Variants in GPR157 observed in about 807,000 individuals in gnomAD.
GPR157 encodes G-protein coupled receptor 157.
A neutral mutation model predicts 23.5 loss-of-function variants in GPR157; 16 were observed. That is an observed-to-expected ratio of 0.68 (90% CI 0.46 to 1.04). The LOEUF is 1.04. Ranked by LOEUF, GPR157 falls within the 50% of genes least tolerant of loss-of-function variation. The pLI, the probability that GPR157 is intolerant of heterozygous loss-of-function variation, is 0.00. For missense variants in GPR157, 440 were observed against 460.7 expected (o/e 0.96, Z 0.41); for synonymous variants, 200 against 221.5 (o/e 0.90, Z 0.86).
Position 9,111,493 on chromosome 1 carries a change from A to C in GPR157, c.384-4T>G, listed in dbSNP as rs1436810136. The C allele has an allele frequency of 6.2e-7, 1 of 1,611,500 alleles. No homozygotes were observed. The highest frequency in any genetic ancestry group is 8.5e-7 in the Non-Finnish European group (1 of 1,177,938). On this transcript the variant is annotated splice_region_variant and splice_polypyrimidine_tract_variant and intron_variant, in intron 1 of 3. Coordinates refer to ENST00000377411, the MANE Select transcript of GPR157 (RefSeq NM_024980.5). ...GATGACCAACGGGACCCCCCAGCTG[A>C]GGAAGGAGGAGAGAAAGAGGCATCG... is the stretch of plus-strand genomic sequence containing the variant.
At chr1:9,119,480 G>T (rs1638755829) in intron 1 of GPR157, among the ~76,000 whole-genome samples, 1 of 152,198 alleles carries the variant, frequency 6.6e-6, no homozygotes, top group African/African-American at 2.4e-5. Flanking sequence ...AACCAGTCCT[G>T]CCCTCACCTG....
chr1:9,114,062 C>G (rs114402453), intron 1 of GPR157, among the ~76,000 whole-genome samples: 1 of 151,404 alleles, frequency 6.6e-6, no homozygotes, highest in African/African-American at 2.4e-5. Context: ...GGCTCACGCC[C>G]GAATCCCAGG....
At chr1:9,106,602 C>G (rs570402791) in intron 2 of GPR157, among the ~76,000 whole-genome samples, 1 of 152,376 alleles carries the variant, frequency 6.6e-6, no homozygotes, top group South Asian at 2.1e-4. Context: ...GTCCCCAGGG[C>G]TCCCCCCGGC....
In GPR157 at chr1:9,105,003, A is replaced by AT. The variant is rs1553174061; in HGVS notation, c.793-370_793-369insA. Among the ~76,000 whole-genome samples, 7 of 109,468 alleles carry AT rather than the reference A, an allele frequency of 6.4e-5. No individual in the cohort carries two copies. The highest frequency in any genetic ancestry group is 3.7e-5 in the Non-Finnish European group (2 of 53,688). The allele number at this position is 109,468 out of a possible 152,430, so 71.8% of individuals were successfully genotyped here. ...TGACAAAGCCAGACTCTGTCCCCGCACCCCCCCCCAAAAAAGAGAAATGGC... is the reference window on the plus strand; with the variant it reads ...TGACAAAGCCAGACTCTGTCCCCGCATCCCCCCCCCAAAAAAGAGAAATGGC... On this transcript the variant is annotated intron_variant, in intron 3 of 3. Transcript: ENST00000377411. The surrounding 1 kb of genome is among the most constrained non-coding windows in gnomAD (Gnocchi z 4.8).
chr1:9,126,118 C>T (rs1638958331), intron 1 of GPR157, among the ~76,000 whole-genome samples: 1 of 152,116 alleles, frequency 6.6e-6, no homozygotes, highest in African/African-American at 2.4e-5. Context: ...CCACCACACC[C>T]AGCTAATTTT....
chr1:9,113,997 A>C (rs1446573989), intron 1 of GPR157, among the ~76,000 whole-genome samples: 1 of 144,554 alleles, frequency 6.9e-6, no homozygotes, highest in African/African-American at 2.6e-5. Context: ...ACACACACAC[A>C]CACCACCCAT....
rs1638775274 is a variant in GPR157, at chr1:9,120,478, T to G, written c.383+8167A>C. 6.6e-6 allele frequency among the ~76,000 whole-genome samples: 1 copy of G among 152,182 alleles called. No individual in the cohort carries two copies. The highest frequency in any genetic ancestry group is 1.5e-5 in the Non-Finnish European group (1 of 68,018). On this transcript the variant is annotated intron_variant, in intron 1 of 3. Transcript: ENST00000377411. The surrounding 1 kb of genome is among the most constrained non-coding windows in gnomAD (Gnocchi z 4.1). ...TAAAAACCTCAGGACAGAGCAGGGC[T>G]GGGGGAAGCCCAGCTGTAGGGAGTG... is the stretch of plus-strand genomic sequence containing the variant.
In GPR157 at chr1:9,106,198, C is replaced by T. The variant is rs116746450; in HGVS notation, c.598-518G>A. ...TTACAGGCATGAGCTGCCACCGTGC[C>T]GACCTCTAACTTCAAAACAGATCCA... On this transcript the variant is annotated intron_variant, in intron 2 of 3. Coordinates refer to ENST00000377411, the MANE Select transcript of GPR157 (RefSeq NM_024980.5). 2.6e-3 allele frequency among the ~76,000 whole-genome samples: 397 copies of T among 152,224 alleles called. 1 individual carries two copies. Among genetic ancestry groups the T allele is most frequent in the African/African-American group, 9.3e-3 (386 of 41,532 alleles).
intron 1 of GPR157, 70 bp from the exon 2 acceptor site, chr1:9,111,559 A>G: frequency 7.7e-7 from 1 of 1,297,662 alleles, no homozygotes; most frequent in Non-Finnish European, 1.1e-6. Flanking sequence ...CCTTCGCAAA[A>G]ATGACGGAGG....
chr1:9,106,685 C>T (rs534645113), intron 2 of GPR157, among the ~76,000 whole-genome samples: 82 of 152,316 alleles, frequency 5.4e-4, no homozygotes, highest in African/African-American at 1.8e-3. Context: ...GCACAGAGGC[C>T]GGGTGCAAAG....
chr1:9,113,349 T>A (rs1476625734), intron 1 of GPR157, among the ~76,000 whole-genome samples: 1 of 152,168 alleles, frequency 6.6e-6, no homozygotes, highest in African/African-American at 2.4e-5. Flanking sequence ...GAGGCCAGAA[T>A]GAGGCCAGGA....
intron 1 of GPR157, among the ~76,000 whole-genome samples, chr1:9,123,168 A>AAAT (rs1638837421): frequency 7.8e-6 from 1 of 127,566 alleles, no homozygotes; most frequent in African/African-American, 3.2e-5. Context: ...GGTGGGAAAA[A>AAAT]AAAAAAATAT....
In GPR157 at chr1:9,102,658, T is replaced by C. The variant is rs1185415354; in HGVS notation, c.*1761A>G. On this transcript the variant is annotated 3_prime_UTR_variant, in exon 4 of 4. Transcript: ENST00000377411. Reference sequence around the variant, plus strand: ...ATTCCAAGGGAAATCACCTATCAGGTAAAGCTGTACTTTCTCTCACCAAGA... The same window carrying C: ...ATTCCAAGGGAAATCACCTATCAGGCAAAGCTGTACTTTCTCTCACCAAGA... The C allele has an allele frequency of 1.3e-5, 2 of 152,126 alleles. No homozygotes were observed. The highest frequency in any genetic ancestry group is 4.8e-5 in the African/African-American group (2 of 41,446). The allele number at this position is 152,126 out of a possible 1,614,324, so 9.4% of individuals were successfully genotyped here.
Position 9,100,536 on chromosome 1 carries a change from A to G in GPR157, c.*3883T>C, listed in dbSNP as rs1642554024. 1 of 152,258 alleles carries G rather than the reference A, an allele frequency of 6.6e-6. No individual in the cohort carries two copies. 9.4% of individuals were successfully genotyped at this position (152,258 alleles called of 1,614,324 possible). ...AAAAACAAAACAGAACAAACAAACC[A>G]AAAAACCCTCAAAAGCACAAAGAGG... On this transcript the variant is annotated 3_prime_UTR_variant, in exon 4 of 4. Transcript: ENST00000377411.
At chr1:9,114,438 T>A (rs989567199) in intron 1 of GPR157, among the ~76,000 whole-genome samples, 2 of 151,936 alleles carry the variant, frequency 1.3e-5, no homozygotes, top group Non-Finnish European at 2.9e-5. Flanking sequence ...GCTAAGGAAT[T>A]CTGGGAAGGA....
In GPR157 at chr1:9,120,647, G is replaced by C. The variant is rs1241320869; in HGVS notation, c.383+7998C>G. On this transcript the variant is annotated intron_variant, in intron 1 of 3. Transcript: ENST00000377411. The surrounding 1 kb of genome is among the most constrained non-coding windows in gnomAD (Gnocchi z 4.1). The stretch of plus-strand genomic sequence containing the variant: ...CAGGCTACCACGAGGTCACTCTGCA[G>C]CTTTAACTGCAGAAGGGGAGAGGAA... Among the ~76,000 whole-genome samples, 1 of 152,174 alleles carries C rather than the reference G, an allele frequency of 6.6e-6. No homozygotes were observed. The highest frequency in any genetic ancestry group is 2.4e-5 in the African/African-American group (1 of 41,428).
chr1:9,116,872 G>A (rs1035641701), intron 1 of GPR157, among the ~76,000 whole-genome samples: 1 of 152,006 alleles, frequency 6.6e-6, no homozygotes, highest in South Asian at 2.1e-4. Context: ...CTCCTGAGTA[G>A]GGGGTACTAC....
chr1:9,105,778 A>G lies in GPR157; in HGVS notation c.598-98T>C. 1.0e-6 allele frequency: 1 copy of G among 982,678 alleles called. No individual in the cohort carries two copies. Among genetic ancestry groups the G allele is most frequent in the South Asian group, 1.6e-5 (1 of 62,062 alleles). 60.9% of individuals were successfully genotyped at this position (982,678 alleles called of 1,614,324 possible). A position where few individuals can be genotyped will look rare whatever the true frequency, so the allele number is the denominator to read the frequency against. ...TCTTCCCAGGGACTTGAACTAGCTC[A>G]GGGAGGTAGGGGAGATGTGTGGTGG... On this transcript the variant is annotated intron_variant, in intron 2 of 3. Transcript: ENST00000377411. This position sits in a 1 kb window ranked among gnomAD's most constrained non-coding sequence, Gnocchi z 4.8.
rs1569947892 is a variant in GPR157, at chr1:9,105,775, C to T, written c.598-95G>A. 9.6e-7 allele frequency: 1 copy of T among 1,040,560 alleles called. No homozygotes were observed. Among genetic ancestry groups the T allele is most frequent in the East Asian group, 2.5e-5 (1 of 39,922 alleles). 64.5% of individuals were successfully genotyped at this position (1,040,560 alleles called of 1,614,324 possible). On this transcript the variant is annotated intron_variant, in intron 2 of 3. Transcript: ENST00000377411. The surrounding 1 kb of genome is among the most constrained non-coding windows in gnomAD (Gnocchi z 4.8). ...AGGTCTTCCCAGGGACTTGAACTAG[C>T]TCAGGGAGGTAGGGGAGATGTGTGG...
Sources: gnomAD v4.1 joint callset for allele counts (sites outside exome capture counted in the v4.1 genomes callset) on GRCh38, gnomAD v4.1.1 for gene constraint, Gnocchi (gnomAD v3.1) non-coding constraint, MANE v1.5 for transcripts, NCBI Gene and HGNC (gene_info 2026-07-23, HGNC 2026-07-21) for gene names.